The following NCAPD3 variants were observed in gnomAD, a reference collection of about 807,000 sequenced individuals.
The protein encoded by NCAPD3 is condensin-2 complex subunit D3.
In NCAPD3, 105 loss-of-function variants were observed where a neutral mutation model predicts 182.9. The observed-to-expected ratio is 0.57, with a 90% CI of 0.49 to 0.68. NCAPD3 has a LOEUF of 0.68. Ranked by LOEUF, NCAPD3 falls within the 30% of genes least tolerant of loss-of-function variation. NCAPD3 has a pLI of 0.00. For missense variants in NCAPD3, 1,944 were observed against 1,837.0 expected, an observed-to-expected ratio of 1.06 and a Z score of -1.07; for synonymous variants, 815 against 679.9, an observed-to-expected ratio of 1.20 and a Z score of -3.09.
At position 134,150,288 on chromosome 11, in the gene NCAPD3, A is replaced by G. The variant is rs576950830; in HGVS notation, c.*2656T>C. The G allele has an allele frequency of 3.3e-5, 5 of 152,510 alleles. No homozygotes were observed. The highest frequency in any genetic ancestry group is 9.6e-5 in the African/African-American group (4 of 41,610). 9.4% of individuals were successfully genotyped at this position (152,510 alleles called of 1,614,324 possible). On this transcript the variant is annotated 3_prime_UTR_variant, in exon 35 of 35. Coordinates refer to ENST00000534548, the MANE Select transcript of NCAPD3 (RefSeq NM_015261.3). ...CTCTTCAAAAGAAACCTCTCAGGTT[A>G]GCTTTGAACTGCCTCTTCCTGAGAT...
chr11:134,182,487 T>A (rs1382262428), intron 19 of NCAPD3, among the ~76,000 whole-genome samples: 4 of 152,358 alleles, frequency 2.6e-5, no homozygotes, highest in African/African-American at 9.6e-5. Context: ...TTCTCCATGC[T>A]AAAGACTCCA....
intron 16 of NCAPD3, among the ~76,000 whole-genome samples, chr11:134,189,258 C>T (rs1944475474): frequency 6.6e-6 from 1 of 152,050 alleles, no homozygotes. Context: ...TTATCTTTTC[C>T]ATTAGGCTTT....
chr11:134,191,682 C>G (rs1168040668), intron 16 of NCAPD3, among the ~76,000 whole-genome samples: 1 of 152,156 alleles, frequency 6.6e-6, no homozygotes, highest in Admixed American at 6.5e-5. Context: ...GCAGTAGACT[C>G]TATTATTAGC....
chr11:134,191,523 A>G (rs1368672970), intron 16 of NCAPD3, among the ~76,000 whole-genome samples: 1 of 152,226 alleles, frequency 6.6e-6, no homozygotes, highest in Non-Finnish European at 1.5e-5. Context: ...ATAAAGAAAA[A>G]TAAATTTTAA....
intron 13 of NCAPD3, among the ~76,000 whole-genome samples, chr11:134,195,684 C>T (rs1435288181): frequency 1.3e-5 from 2 of 151,898 alleles, no homozygotes; most frequent in Admixed American, 6.6e-5. Context: ...GAGTTCGAGT[C>T]CAGCCTGGGC....
intron 15 of NCAPD3, among the ~76,000 whole-genome samples, chr11:134,193,616 G>A (rs1944567271): frequency 1.3e-5 from 2 of 152,184 alleles, no homozygotes; most frequent in Admixed American, 1.3e-4. Context: ...AGCCAGGCAT[G>A]GCAGCACCTG....
intron 27 of NCAPD3, among the ~76,000 whole-genome samples, chr11:134,163,837 A>G (rs1358011693): frequency 1.4e-5 from 2 of 139,976 alleles, no homozygotes; most frequent in African/African-American, 5.6e-5. Flanking sequence ...GCGCCACTGC[A>G]CTCCAGCCTG....
chr11:134,202,612 C>T (rs1202162720), intron 13 of NCAPD3, among the ~76,000 whole-genome samples: 1 of 151,814 alleles, frequency 6.6e-6, no homozygotes, highest in South Asian at 2.1e-4. Flanking sequence ...AACTCCTGGG[C>T]TCAAGTGATC....
chr11:134,162,912 A>G (rs1293743027), intron 27 of NCAPD3, among the ~76,000 whole-genome samples: 2 of 152,176 alleles, frequency 1.3e-5, no homozygotes, highest in Non-Finnish European at 2.9e-5. Context: ...TGGAGATGGG[A>G]TGCCTAAGGA....
intron 27 of NCAPD3, among the ~76,000 whole-genome samples, chr11:134,165,201 G>T (rs1026324620): frequency 1.3e-5 from 2 of 150,140 alleles, no homozygotes; most frequent in Non-Finnish European, 3.0e-5. Context: ...GAGCTTGGGG[G>T]AGCGGCACAC....
At chr11:134,184,810 T>TACAC (rs60568256) in intron 18 of NCAPD3, 58 bp from the exon 19 acceptor site, 89,126 of 986,014 alleles carry the variant, frequency 0.09, 1,310 homozygotes, top group East Asian at 0.19. Context: ...CAGGTATATA[T>TACAC]ACACACACAC....
At chr11:134,156,013 C>G (rs1240014086) in intron 32 of NCAPD3, among the ~76,000 whole-genome samples, 4 of 152,228 alleles carry the variant, frequency 2.6e-5, no homozygotes, top group African/African-American at 9.6e-5. Context: ...CATGAGCTGA[C>G]TGAAGCAGTG....
chr11:134,223,341 T>C, intron 1 of NCAPD3: 1 of 687,148 alleles, frequency 1.5e-6, no homozygotes, highest in Non-Finnish European at 2.7e-6. Context: ...GGCAGGACAG[T>C]GGTAGTGGGC....
intron 24 of NCAPD3, among the ~76,000 whole-genome samples, chr11:134,174,979 A>C (rs1944123935): frequency 6.6e-6 from 1 of 152,220 alleles, no homozygotes; most frequent in African/African-American, 2.4e-5. Flanking sequence ...CATTTGAACC[A>C]TGGTTTCAAC....
chr11:134,220,700 C>T lies in NCAPD3; in HGVS notation c.91G>A (p.Asp31Asn). ...TCCAAAGGCTCAGTCTCTGTGAAAT[C>T]CAGTTCCCACACTGTGTCAACCCAT... ...LEWVDTVWEL[D>N]FTETEPLDPS... Residue 31 changes from aspartate (D) to asparagine (N), a missense_variant, in exon 2 of 35, where the codon GAT becomes AAT. Asp to Asn is a conservative substitution (Grantham distance 23). This residue lies in a region of NCAPD3 where 131 missense variants were observed against 133.9 expected (regional missense o/e 0.98). Coordinates refer to ENST00000534548, the MANE Select transcript of NCAPD3 (RefSeq NM_015261.3). 3 of 1,613,948 alleles carry T rather than the reference C, an allele frequency of 1.9e-6. No homozygotes were observed. Among genetic ancestry groups the T allele is most frequent in the Non-Finnish European group, 2.5e-6 (3 of 1,179,890 alleles).
At chr11:134,167,857 A>C in intron 27 of NCAPD3, 139 bp downstream of exon 27, 1 of 818,052 alleles carries the variant, frequency 1.2e-6, no homozygotes, top group South Asian at 1.6e-5. Flanking sequence ...GGGGAGCAGC[A>C]CACTCGTGAG....
intron 13 of NCAPD3, among the ~76,000 whole-genome samples, chr11:134,200,990 C>A (rs1449269793): frequency 6.6e-6 from 1 of 151,284 alleles, no homozygotes; most frequent in African/African-American, 2.4e-5. Context: ...CAACACAGTA[C>A]ATGACTGCAT....
intron 24 of NCAPD3, among the ~76,000 whole-genome samples, chr11:134,172,300 G>A (rs1944025919): frequency 6.6e-6 from 1 of 152,160 alleles, no homozygotes; most frequent in Non-Finnish European, 1.5e-5. Flanking sequence ...TGTTTCCAGT[G>A]ACCATCCCAT....
chr11:134,190,590 G>T (rs1047226575), intron 16 of NCAPD3, among the ~76,000 whole-genome samples: 1 of 152,102 alleles, frequency 6.6e-6, no homozygotes, highest in Non-Finnish European at 1.5e-5. Flanking sequence ...GGGCTGAAGC[G>T]ATCATCCCAC....
Sources: allele counts gnomAD v4.1 joint callset (sites outside exome capture counted in the v4.1 genomes callset), GRCh38; gene constraint gnomAD v4.1.1; regional missense constraint gnomAD v4.1.1; transcripts MANE v1.5; gene names NCBI Gene and HGNC (gene_info 2026-07-23, HGNC 2026-07-21).